The following NKAIN3 variants were observed in gnomAD, a reference collection of about 807,000 sequenced individuals.
The protein encoded by NKAIN3 is sodium/potassium-transporting ATPase subunit beta-1-interacting protein 3.
A neutral mutation model predicts 30.2 loss-of-function variants in NKAIN3; 25 were observed. That is an observed-to-expected ratio of 0.83 (90% confidence interval 0.60 to 1.16). The LOEUF (loss-of-function observed/expected upper bound fraction) is 1.16. Ranked by LOEUF, NKAIN3 falls within the 50% of genes most tolerant of loss-of-function variation. The pLI is 0.00. For missense variants in NKAIN3, 225 were observed against 254.1 expected, an observed-to-expected ratio of 0.89 and a Z score of 0.78; for synonymous variants, 91 against 89.6, an observed-to-expected ratio of 1.02 and a Z score of -0.09.
At chr8:62,890,984 C>T (rs1409228968) in intron 4 of NKAIN3, among the ~76,000 whole-genome samples, 2 of 152,164 alleles carry the variant, frequency 1.3e-5, no homozygotes, top group African/African-American at 4.8e-5. Context: ...TGAAAGAGAG[C>T]AAGGTGGGAG....
chr8:62,577,325 T>G (rs1045849956), intron 1 of NKAIN3, among the ~76,000 whole-genome samples: 2 of 152,018 alleles, frequency 1.3e-5, no homozygotes, highest in Non-Finnish European at 2.9e-5. Context: ...TCATTACCTG[T>G]GTTTTCTTTA....
intron 3 of NKAIN3, among the ~76,000 whole-genome samples, chr8:62,621,099 AG>A (rs1412228284): frequency 1.3e-5 from 2 of 152,190 alleles, no homozygotes; most frequent in Admixed American, 1.3e-4. Flanking sequence ...CCTTTACAGA[AG>A]GTCATTTACA....
intron 1 of NKAIN3, among the ~76,000 whole-genome samples, chr8:62,486,105 C>T (rs748485304): frequency 3.3e-5 from 5 of 152,040 alleles, no homozygotes; most frequent in Non-Finnish European, 7.4e-5. Context: ...TCAATCAAGA[C>T]CACCAAAACA....
chr8:62,825,561 C>G (rs1818994145), intron 4 of NKAIN3, among the ~76,000 whole-genome samples: 1 of 152,032 alleles, frequency 6.6e-6, no homozygotes, highest in African/African-American at 2.4e-5. Context: ...CGTCTTTATG[C>G]ATAGCTATAT....
chr8:62,768,085 A>C (rs2130630639), intron 4 of NKAIN3, among the ~76,000 whole-genome samples: 1 of 152,202 alleles, frequency 6.6e-6, no homozygotes, highest in South Asian at 2.1e-4. Context: ...CTCTGCTTGA[A>C]AATGCAGCTA....
At chr8:62,667,170 G>A (rs901503655) in intron 3 of NKAIN3, among the ~76,000 whole-genome samples, 2 of 146,808 alleles carry the variant, frequency 1.4e-5, no homozygotes, top group Admixed American at 1.4e-4. Context: ...AGGGGAGAGG[G>A]ATAGCATTAG....
intron 4 of NKAIN3, among the ~76,000 whole-genome samples, chr8:62,851,566 C>T (rs1192608871): frequency 6.6e-6 from 1 of 152,042 alleles, no homozygotes; most frequent in Non-Finnish European, 1.5e-5. Context: ...CAGGTTTTGC[C>T]CATTCAATAT....
chr8:62,452,000 A>C (rs1431347682), intron 1 of NKAIN3, among the ~76,000 whole-genome samples: 1 of 152,192 alleles, frequency 6.6e-6, no homozygotes, highest in Non-Finnish European at 1.5e-5. Context: ...AAATGTTTGA[A>C]CATTACAATG....
intron 1 of NKAIN3, among the ~76,000 whole-genome samples, chr8:62,431,948 C>T (rs1352942495): frequency 7.4e-6 from 1 of 134,608 alleles, no homozygotes; most frequent in Admixed American, 7.7e-5. Flanking sequence ...ATGTCATAAG[C>T]CTTTAGGTTT....
chr8:62,828,227 A>G (rs1819085097), intron 4 of NKAIN3, among the ~76,000 whole-genome samples: 1 of 152,192 alleles, frequency 6.6e-6, no homozygotes, highest in East Asian at 1.9e-4. Flanking sequence ...CATAAAATTA[A>G]TCAGTGTTTG....
At chr8:62,319,563 T>G (rs1433728284) in intron 1 of NKAIN3, among the ~76,000 whole-genome samples, 1 of 152,214 alleles carries the variant, frequency 6.6e-6, no homozygotes, top group African/African-American at 2.4e-5. Flanking sequence ...AAGAACATAT[T>G]TATTTCTGCC....
intron 4 of NKAIN3, 51 bp downstream of exon 4, chr8:62,747,180 AT>A (rs573180801): frequency 2.6e-5 from 33 of 1,251,190 alleles, no homozygotes; most frequent in Non-Finnish European, 3.7e-5. Flanking sequence ...CTTTGCTGGC[AT>A]TTTTTTCTCC....
At chr8:62,455,903 G>A (rs1158045503) in intron 1 of NKAIN3, among the ~76,000 whole-genome samples, 1 of 152,258 alleles carries the variant, frequency 6.6e-6, no homozygotes. Flanking sequence ...GTGGATACAT[G>A]AAACCACAGA....
At chr8:62,751,775 A>T (rs981442125) in intron 4 of NKAIN3, among the ~76,000 whole-genome samples, 8 of 151,880 alleles carry the variant, frequency 5.3e-5, no homozygotes, top group Middle Eastern at 3.2e-3. Flanking sequence ...TTATAATCAT[A>T]TGTCATATAG....
chr8:62,741,642 G>C (rs373516670), intron 3 of NKAIN3, among the ~76,000 whole-genome samples: 1 of 152,138 alleles, frequency 6.6e-6, no homozygotes, highest in African/African-American at 2.4e-5. Context: ...AAGCCCCCTT[G>C]CTTTGTTACA....
chr8:62,469,378 G>T (rs1806254769), intron 1 of NKAIN3, among the ~76,000 whole-genome samples: 2 of 152,150 alleles, frequency 1.3e-5, no homozygotes, highest in African/African-American at 2.4e-5. Context: ...TAAGTAGCTT[G>T]CCCAAAGTCA....
At chr8:62,303,721 G>T (rs1258292349) in intron 1 of NKAIN3, among the ~76,000 whole-genome samples, 5 of 150,568 alleles carry the variant, frequency 3.3e-5, no homozygotes, top group African/African-American at 1.0e-4. Context: ...AAGTCAAATT[G>T]TTGAGACTGT....
chr8:62,729,051 A>AAAAAAAAAAAAAAAAC (rs1815381968), intron 3 of NKAIN3, among the ~76,000 whole-genome samples: 1 of 143,858 alleles, frequency 7.0e-6, no homozygotes, highest in Non-Finnish European at 1.5e-5. Flanking sequence ...AAAAAAAAAA[A>AAAAAAAAAAAAAAAAC]ACCTCCTGCT....
chr8:62,857,796 T>A (rs561177406), intron 4 of NKAIN3, among the ~76,000 whole-genome samples: 87 of 152,356 alleles, frequency 5.7e-4, no homozygotes, highest in Non-Finnish European at 1.0e-3. Context: ...TTCCTTTAGC[T>A]CAGCGAAGTT....
Sources: gnomAD v4.1 joint callset for allele counts (sites outside exome capture counted in the v4.1 genomes callset) on GRCh38, gnomAD v4.1.1 for gene constraint, MANE v1.5 for transcripts, NCBI Gene and HGNC (gene_info 2026-07-23, HGNC 2026-07-21) for gene names.